PSEN1: variants seen among roughly 807,000 people sequenced by gnomAD.
PSEN1 encodes presenilin 1.
Under a neutral mutation model 53.5 loss-of-function variants are expected in PSEN1, and 15 were observed. The observed-to-expected ratio is 0.28, with a 90% CI of 0.19 to 0.43. The LOEUF (loss-of-function observed/expected upper bound fraction) is 0.43, where lower values mean the gene tolerates loss of function less well. PSEN1 is among the 20% of genes least tolerant of loss of function. The pLI, the probability that PSEN1 is intolerant of heterozygous loss-of-function variation, is 1.00. For synonymous variants in PSEN1, 208 were observed against 209.8 expected, an observed-to-expected ratio of 0.99 and a Z score of 0.08; for missense variants, 387 against 571.2, an observed-to-expected ratio of 0.68 and a Z score of 3.29.
In PSEN1 at chr14:73,216,676, T is replaced by A. The variant is rs1899927844; in HGVS notation, c.1130-450T>A. 2.6e-5 allele frequency among the ~76,000 whole-genome samples: 4 copies of A among 152,066 alleles called. No individual in the cohort carries two copies. In the South Asian group the frequency reaches 8.3e-4, roughly 32 times the overall value. On this transcript the variant is annotated intron_variant, in intron 10 of 11. Transcript: ENST00000324501. ...CAGGAGGCTGAGACAGGAAAGTCGC[T>A]TGAACCTGGGCGGCAGAGTCTGCAG... is the stretch of plus-strand genomic sequence containing the variant.
chr14:73,160,177 G>T, intron 3 of PSEN1: 1 of 162,966 alleles, frequency 6.1e-6, no homozygotes, highest in Non-Finnish European at 1.4e-5. Context: ...TTAGTGACTT[G>T]CTTATTTTGC....
chr14:73,187,179 C>T (rs1165065114), intron 6 of PSEN1, among the ~76,000 whole-genome samples: 2 of 152,198 alleles, frequency 1.3e-5, no homozygotes, highest in Admixed American at 6.5e-5. Flanking sequence ...ATTATATAGT[C>T]TTCTAGTAGA....
intron 6 of PSEN1, among the ~76,000 whole-genome samples, chr14:73,190,912 A>G (rs141365251): frequency 7.1e-4 from 108 of 152,342 alleles, no homozygotes; most frequent in African/African-American, 2.3e-3. Context: ...AAATATCTAC[A>G]TCGTCCAGAA....
At chr14:73,148,224 A>G in intron 3 of PSEN1, 118 bp downstream of exon 3, 1 of 819,268 alleles carries the variant, frequency 1.2e-6, no homozygotes, top group Admixed American at 2.0e-5. Context: ...CACATTTATA[A>G]TATATTTGGT....
At chr14:73,165,336 C>G (rs530833971) in intron 3 of PSEN1, among the ~76,000 whole-genome samples, 2 of 152,182 alleles carry the variant, frequency 1.3e-5, no homozygotes, top group Admixed American at 6.5e-5. Flanking sequence ...TTCCCTGGCT[C>G]AAACGATTCT....
intron 3 of PSEN1, among the ~76,000 whole-genome samples, chr14:73,151,943 G>A (rs1490822969): frequency 5.0e-5 from 5 of 100,176 alleles, no homozygotes; most frequent in South Asian, 7.0e-4. Context: ...ACGGAGTCTC[G>A]CTCTGTTGCC....
chr14:73,152,762 G>A (rs116442941), intron 3 of PSEN1, among the ~76,000 whole-genome samples: 3,465 of 152,084 alleles, frequency 0.023, 135 homozygotes, highest in African/African-American at 0.076. Flanking sequence ...AGAAATATTC[G>A]CTGGGCATGG....
At chr14:73,209,830 G>C (rs890618944) in intron 9 of PSEN1, among the ~76,000 whole-genome samples, 23 of 152,200 alleles carry the variant, frequency 1.5e-4, no homozygotes, top group African/African-American at 2.2e-4. Flanking sequence ...AAATGAGAAG[G>C]CTGGATGAAC....
intron 6 of PSEN1, among the ~76,000 whole-genome samples, chr14:73,190,353 G>T (rs1898668697): frequency 6.6e-6 from 1 of 151,878 alleles, no homozygotes; most frequent in South Asian, 2.1e-4. Context: ...GCCAGGCGTG[G>T]TGGTGCATGC....
At chr14:73,167,688 C>T (rs1269477701) in intron 3 of PSEN1, 1 of 152,006 alleles carries the variant, frequency 6.6e-6, no homozygotes, top group Non-Finnish European at 1.5e-5. Flanking sequence ...TCAGTCTACA[C>T]TGTGACATGA....
At chr14:73,180,958 T>A (rs956550177) in intron 5 of PSEN1, among the ~76,000 whole-genome samples, 11 of 152,212 alleles carry the variant, frequency 7.2e-5, no homozygotes, top group Non-Finnish European at 1.2e-4. Context: ...GATTTAGTAA[T>A]TTTGCTTTTA....
chr14:73,165,971 G>A (rs983694715), intron 3 of PSEN1, among the ~76,000 whole-genome samples: 6 of 151,926 alleles, frequency 3.9e-5, no homozygotes, highest in Non-Finnish European at 7.4e-5. Flanking sequence ...CGGGAGAATT[G>A]CTTGAACCTG....
intron 10 of PSEN1, among the ~76,000 whole-genome samples, chr14:73,213,321 C>CATAAT (rs1308660367): frequency 6.6e-6 from 1 of 152,142 alleles, no homozygotes; most frequent in Non-Finnish European, 1.5e-5. Flanking sequence ...AGAGCAGCAG[C>CATAAT]ATAATTCTTT....
At chr14:73,211,028 C>T (rs1899656740) in intron 9 of PSEN1, among the ~76,000 whole-genome samples, 1 of 152,140 alleles carries the variant, frequency 6.6e-6, no homozygotes, top group African/African-American at 2.4e-5. Context: ...AATGAAGCCA[C>T]TTTTATAATT....
intron 1 of PSEN1, among the ~76,000 whole-genome samples, chr14:73,143,920 T>C (rs1384021413): frequency 1.4e-5 from 2 of 145,472 alleles, no homozygotes; most frequent in Non-Finnish European, 3.0e-5. Flanking sequence ...GGCCAGGAGT[T>C]CAAGGCTGCA....
chr14:73,194,918 C>T (rs1041065748), intron 7 of PSEN1, among the ~76,000 whole-genome samples: 1 of 152,086 alleles, frequency 6.6e-6, no homozygotes, highest in African/African-American at 2.4e-5. Context: ...TGTTTGGTGG[C>T]CTGTAATAGG....
At chr14:73,180,522 G>A (rs1347839144) in intron 5 of PSEN1, among the ~76,000 whole-genome samples, 1 of 152,192 alleles carries the variant, frequency 6.6e-6, no homozygotes, top group East Asian at 1.9e-4. Context: ...CATATCAGTG[G>A]TTGGTTATGC....
intron 5 of PSEN1, among the ~76,000 whole-genome samples, chr14:73,175,126 T>G (rs1222089405): frequency 1.3e-5 from 2 of 152,026 alleles, no homozygotes; most frequent in Non-Finnish European, 2.9e-5. Flanking sequence ...TTTTTTTTGT[T>G]TTTTTGTTTT....
rs1453447596 is a variant in PSEN1, at chr14:73,221,758, A to T, written c.*2469A>T. 1 of 152,196 alleles carries T rather than the reference A, an allele frequency of 6.6e-6. No homozygotes were observed. Among genetic ancestry groups the T allele is most frequent in the Non-Finnish European group, 1.5e-5 (1 of 68,034 alleles). 9.4% of individuals were successfully genotyped at this position (152,196 alleles called of 1,614,324 possible). On this transcript the variant is annotated 3_prime_UTR_variant, in exon 12 of 12. Transcript: ENST00000324501. ...CTTTTCCCTCAAACATTCTTTTTAG[A>T]ATTAGTTCAGTCATTCCTAAAACAT...
Sources: gnomAD v4.1 joint callset for allele counts (sites outside exome capture counted in the v4.1 genomes callset) on GRCh38, gnomAD v4.1.1 for gene constraint, MANE v1.5 for transcripts, NCBI Gene and HGNC (gene_info 2026-07-23, HGNC 2026-07-21) for gene names.